The following STX2 variants were observed in gnomAD, a reference collection of about 807,000 sequenced individuals.
STX2 encodes syntaxin 2.
STX2 carries 27 observed loss-of-function variants against 40.6 expected under a neutral mutation model. The observed-to-expected ratio is 0.66, with a 90% CI of 0.49 to 0.92. STX2 has a LOEUF of 0.92. Ranked by LOEUF, STX2 falls within the 40% of genes least tolerant of loss-of-function variation. The pLI is 0.00. For synonymous variants in STX2, 123 were observed against 119.1 expected (o/e 1.03, Z -0.22); for missense variants, 328 against 366.1 (o/e 0.90, Z 0.85).
intron 6 of STX2, among the ~76,000 whole-genome samples, chr12:130,802,326 T>G (rs1951262030): frequency 6.6e-6 from 1 of 152,118 alleles, no homozygotes. Flanking sequence ...GACCCCTGAG[T>G]GGTGGGGACT....
chr12:130,838,992 AAG>A, intron 1 of STX2, 76 bp downstream of exon 1: 1 of 277,784 alleles, frequency 3.6e-6, no homozygotes, highest in Non-Finnish European at 4.9e-6. Flanking sequence ...AGCCCCGCCC[AAG>A]ACGCCCCGAG....
chr12:130,791,955 C>A lies in STX2; in HGVS notation c.*68G>T. 1 of 1,607,748 alleles carries A rather than the reference C, an allele frequency of 6.2e-7. No homozygotes were observed. Among genetic ancestry groups the A allele is most frequent in the Non-Finnish European group, 8.5e-7 (1 of 1,176,262 alleles). ...AAGGATCACAAGCAAAACAATTACA[C>A]AAATAATAATGAACATCAATTTCTG... On this transcript the variant is annotated 3_prime_UTR_variant, in exon 11 of 11. Coordinates refer to ENST00000392373, the MANE Select transcript of STX2 (RefSeq NM_194356.4).
chr12:130,812,756 G>T (rs901952120), intron 4 of STX2: 39 of 451,392 alleles, frequency 8.6e-5, no homozygotes, highest in East Asian at 2.4e-4. Context: ...CATCAAAAAT[G>T]TAACAGTATA....
intron 9 of STX2, 49 bp from the exon 10 acceptor site, chr12:130,796,169 T>C (rs10848205): frequency 0.57 from 911,396 of 1,606,318 alleles, 268,952 homozygotes; most frequent in East Asian, 0.88. Flanking sequence ...TAATTTCATA[T>C]TGCCACATTA....
rs1593103461 is a variant in STX2, at chr12:130,792,597, A to G, written c.*46-620T>C. Among the ~76,000 whole-genome samples, 3 of 152,150 alleles carry G rather than the reference A, an allele frequency of 2.0e-5. No individual in the cohort carries two copies. In the East Asian group the frequency reaches 5.8e-4, roughly 29 times the overall value. On this transcript the variant is annotated intron_variant, in intron 10 of 10. Coordinates refer to ENST00000392373, the MANE Select transcript of STX2 (RefSeq NM_194356.4). ...TCCCACCTCAGTGTCCCAAGGAGCT[A>G]GGATGACAGGCATGCACCACCATGC...
chr12:130,821,555 G>A (rs1399230961), intron 3 of STX2, 134 bp downstream of exon 3: 2 of 699,250 alleles, frequency 2.9e-6, no homozygotes, highest in African/African-American at 3.6e-5. Flanking sequence ...AAACGCCTCA[G>A]ACTCTCTAGG....
intron 3 of STX2, among the ~76,000 whole-genome samples, chr12:130,814,373 A>C (rs1288328576): frequency 2.0e-5 from 3 of 152,152 alleles, no homozygotes; most frequent in Non-Finnish European, 4.4e-5. Flanking sequence ...CGTCTGCTGC[A>C]GCTGTCCCAC....
intron 3 of STX2, among the ~76,000 whole-genome samples, chr12:130,814,626 A>AT (rs1951789168): frequency 9.7e-6 from 1 of 103,612 alleles, no homozygotes; most frequent in East Asian, 3.1e-4. Flanking sequence ...CATTAGAAAG[A>AT]CTTTTTTTTT....
intron 8 of STX2, among the ~76,000 whole-genome samples, chr12:130,800,098 C>G (rs1951168745): frequency 6.6e-6 from 1 of 152,140 alleles, no homozygotes; most frequent in Admixed American, 6.6e-5. Flanking sequence ...AATGCTTCCG[C>G]TTCACCTGGT....
chr12:130,835,188 C>G (rs939286418), intron 1 of STX2, among the ~76,000 whole-genome samples: 3 of 152,188 alleles, frequency 2.0e-5, no homozygotes, highest in African/African-American at 4.8e-5. Context: ...ACTCAGGAAG[C>G]TGAGGCGGGA....
intron 9 of STX2, among the ~76,000 whole-genome samples, chr12:130,797,356 C>T (rs1315877388): frequency 6.6e-6 from 1 of 152,208 alleles, no homozygotes; most frequent in African/African-American, 2.4e-5. Context: ...CCTCAGTTTA[C>T]ATTAGGGGCC....
chr12:130,838,593 AG>A lies in STX2; in HGVS notation c.30+476del, dbSNP rs11310198. On this transcript the variant is annotated intron_variant, in intron 1 of 10. Coordinates refer to ENST00000392373, the MANE Select transcript of STX2 (RefSeq NM_194356.4). ...GGTGCACAGTCCTTTGTGAAGCCCC[AG>A]GGATAAAGCAGCGACCAAGAGGACC... is the stretch of plus-strand genomic sequence containing the variant. Among the ~76,000 whole-genome samples the A allele has an allele frequency of 4.8e-3, 737 of 152,294 alleles. 2 individuals are homozygous for A. The highest frequency in any genetic ancestry group is 0.017 in the African/African-American group (700 of 41,568).
rs150952006 is a variant in STX2 at position 130,806,964 on chromosome 12, G to A, written c.463+18C>T. On this transcript the variant is annotated intron_variant, in intron 6 of 10. Transcript: ENST00000392373. ...AGAAAAACATGATTTTAACAAAGAC[G>A]GAGTCTCCATTACTCACTTATCTCC... is the stretch of plus-strand genomic sequence containing the variant. 297 of 1,602,626 alleles carry A rather than the reference G, an allele frequency of 1.9e-4. 1 individual carries two copies. In the African/African-American group the frequency reaches 3.3e-3, roughly 18 times the overall value.
chr12:130,838,343 T>C (rs958733118), intron 1 of STX2, among the ~76,000 whole-genome samples: 6 of 152,138 alleles, frequency 3.9e-5, no homozygotes, highest in African/African-American at 1.4e-4. Context: ...TCGAAATCCT[T>C]CCAAAATTTT....
chr12:130,797,200 C>G (rs1290836324), intron 9 of STX2, among the ~76,000 whole-genome samples: 4 of 152,342 alleles, frequency 2.6e-5, no homozygotes, highest in African/African-American at 9.6e-5. Context: ...CACCTTCCCC[C>G]TTTGTAAAAC....
In STX2 at chr12:130,839,055, G is replaced by C; in HGVS notation, c.30+15C>G. The stretch of plus-strand genomic sequence containing the variant: ...CCCGGCCGGGCCTGAACCGCTACCC[G>C]CGGCTGCCGCTCACCGCCGTCAGGT... On this transcript the variant is annotated intron_variant, in intron 1 of 10. Coordinates refer to ENST00000392373, the MANE Select transcript of STX2 (RefSeq NM_194356.4). 1 of 1,248,628 alleles carries C rather than the reference G, an allele frequency of 8.0e-7. No individual in the cohort carries two copies. Among genetic ancestry groups the C allele is most frequent in the Non-Finnish European group, 1.0e-6 (1 of 988,782 alleles). The allele number at this position is 1,248,628 out of a possible 1,614,324, so 77.3% of individuals were successfully genotyped here.
Position 130,791,812 on chromosome 12 carries a change from T to G in STX2, c.*211A>C. The G allele has an allele frequency of 3.2e-4, 366 of 1,159,266 alleles. No homozygotes were observed. The highest frequency in any genetic ancestry group is 4.0e-4 in the Non-Finnish European group (313 of 774,558). The allele number at this position is 1,159,266 out of a possible 1,614,324, so 71.8% of individuals were successfully genotyped here. A position where few individuals can be genotyped will look rare whatever the true frequency, so the allele number is the denominator to read the frequency against. ...GCACTCGATGCCGGGTTACAGCGTC[T>G]GAGATTCATTCACGAAATGACAGGA... On this transcript the variant is annotated 3_prime_UTR_variant, in exon 11 of 11. Transcript: ENST00000392373.
intron 2 of STX2, among the ~76,000 whole-genome samples, chr12:130,826,176 G>A (rs1383436663): frequency 6.6e-6 from 1 of 152,202 alleles, no homozygotes; most frequent in Non-Finnish European, 1.5e-5. Flanking sequence ...TGAGCCCTCT[G>A]CTCTAGGCAC....
At position 130,809,809 on chromosome 12, in the gene STX2, C is replaced by T. The variant is rs564819753; in HGVS notation, c.281-1105G>A. On this transcript the variant is annotated intron_variant, in intron 4 of 10. Transcript: ENST00000392373. ...TCCAGCCTAGGCGACAAGAGCGAAACTCCATCTCAAAAAAATAAACACACA... is the reference window on the plus strand; with the variant it reads ...TCCAGCCTAGGCGACAAGAGCGAAATTCCATCTCAAAAAAATAAACACACA... 1.5e-3 allele frequency among the ~76,000 whole-genome samples: 230 copies of T among 152,164 alleles called. 1 individual carries two copies. The highest frequency in any genetic ancestry group is 2.6e-3 in the Non-Finnish European group (176 of 68,024).
Sources: gnomAD v4.1 joint callset for allele counts (sites outside exome capture counted in the v4.1 genomes callset) on GRCh38, gnomAD v4.1.1 for gene constraint, MANE v1.5 for transcripts, NCBI Gene and HGNC (gene_info 2026-07-23, HGNC 2026-07-21) for gene names.